The following IDO2 variants were observed in gnomAD, a reference collection of about 807,000 sequenced individuals.
The protein encoded by IDO2 is indoleamine 2,3-dioxygenase-like 1 protein.
IDO2 carries 46 observed loss-of-function variants against 45.1 expected under a neutral mutation model. That is an observed-to-expected ratio of 1.02 (90% CI 0.80 to 1.30). The LOEUF (loss-of-function observed/expected upper bound fraction) is 1.30. Ranked by LOEUF, IDO2 falls within the 50% of genes most tolerant of loss-of-function variation. The probability of loss-of-function intolerance (pLI) is 0.00; values close to 1 mark genes in which losing one functional copy is unlikely to be tolerated. For synonymous variants in IDO2, 218 were observed against 184.9 expected (o/e 1.18, Z -1.45); for missense variants, 544 against 491.8 (o/e 1.11, Z -1.00).
exon 4 of IDO2, chr8:39,979,112 C>G: frequency 6.2e-7 from 1 of 1,601,826 alleles, no homozygotes; most frequent in Non-Finnish European, 8.5e-7. Flanking sequence ...CCGGGAGCAG[C>G]GCCTGGCCCA....
At chr8:39,937,559 C>T (rs909360905) in intron 1 of IDO2, among the ~76,000 whole-genome samples, 1 of 149,516 alleles carries the variant, frequency 6.7e-6, no homozygotes, top group Non-Finnish European at 1.5e-5. Flanking sequence ...GTCACATTGT[C>T]TCTCAGGCTG....
intron 8 of IDO2, among the ~76,000 whole-genome samples, chr8:40,001,163 C>T (rs1802129429): frequency 6.6e-6 from 1 of 150,740 alleles, no homozygotes; most frequent in African/African-American, 2.4e-5. Context: ...AGTTAACAAT[C>T]TCTTCTTTCT....
intron 1 of IDO2, among the ~76,000 whole-genome samples, chr8:39,937,140 C>G (rs1807565067): frequency 6.6e-6 from 1 of 152,166 alleles, no homozygotes; most frequent in South Asian, 2.1e-4. Context: ...ATCAGAACAG[C>G]TTTTGAATTT....
In IDO2 at chr8:39,951,275, A is replaced by ATTTTT. The variant is rs71220803; in HGVS notation, c.99+2023_99+2027dup. ...AATGACTGCAACATCGGACCCCAAG[A>ATTTTT]TTTTTTTTTTTTTTTTCTGAGATAG... On this transcript the variant is annotated intron_variant, in intron 2 of 10. Transcript: ENST00000502986. Among the ~76,000 whole-genome samples the ATTTTT allele has an allele frequency of 7.4e-4, 101 of 136,016 alleles. 9 individuals carry two copies. The highest frequency in any genetic ancestry group is 1.9e-3 in the Admixed American group (25 of 13,274). The allele number at this position is 136,016 out of a possible 152,430, so 89.2% of individuals were successfully genotyped here.
intron 2 of IDO2, among the ~76,000 whole-genome samples, chr8:39,959,976 C>CTCAA (rs541658160): frequency 2.3e-4 from 35 of 152,032 alleles, no homozygotes; most frequent in South Asian, 1.7e-3. Context: ...GAAACTGTGT[C>CTCAA]TCAATCAATC....
chr8:40,007,893 C>T (rs1349402014), intron 9 of IDO2, among the ~76,000 whole-genome samples: 1 of 152,124 alleles, frequency 6.6e-6, no homozygotes, highest in Non-Finnish European at 1.5e-5. Context: ...CCCTTCAAAA[C>T]TCATTTAGGT....
intron 8 of IDO2, 52 bp from the exon 9 acceptor site, chr8:40,005,275 C>A: frequency 7.5e-7 from 1 of 1,329,316 alleles, no homozygotes; most frequent in Non-Finnish European, 1.1e-6. Flanking sequence ...GCACATGTAA[C>A]CAATTGCTTT....
At chr8:39,949,843 C>T (rs1807788048) in intron 2 of IDO2, among the ~76,000 whole-genome samples, 1 of 152,158 alleles carries the variant, frequency 6.6e-6, no homozygotes, top group Non-Finnish European at 1.5e-5. Flanking sequence ...TGGGTGCTTT[C>T]AGGGCTGGTA....
chr8:39,945,848 C>A (rs188315122), intron 1 of IDO2, among the ~76,000 whole-genome samples: 313 of 152,270 alleles, frequency 2.1e-3, no homozygotes, highest in Non-Finnish European at 3.6e-3. Context: ...CTAACTTAAT[C>A]GATTCCGTCT....
At chr8:40,014,064 G>C (rs4445211) in intron 10 of IDO2, among the ~76,000 whole-genome samples, 58,271 of 152,038 alleles carry the variant, frequency 0.38, 11,583 homozygotes, top group Admixed American at 0.52. Flanking sequence ...GCTGGAAACA[G>C]GTCTGGGATC....
chr8:39,945,227 A>G (rs1235882093), intron 1 of IDO2, among the ~76,000 whole-genome samples: 3 of 152,276 alleles, frequency 2.0e-5, no homozygotes, highest in African/African-American at 7.2e-5. Context: ...AGAATAAGAC[A>G]GAGATTTATG....
chr8:40,015,667 G>C, exon 11 of IDO2: 2 of 1,227,186 alleles, frequency 1.6e-6, no homozygotes. Context: ...GAGAATGAGG[G>C]TCAGGGTTCT....
At chr8:39,979,162 G>A in exon 4 of IDO2, 2 of 1,597,074 alleles carry the variant, frequency 1.3e-6, no homozygotes, top group East Asian at 2.3e-5. Flanking sequence ...ATGTCTGGCA[G>A]GAAGGAGAGG....
chr8:39,988,016 G>A, intron 7 of IDO2, 46 bp downstream of exon 7: 3 of 1,127,554 alleles, frequency 2.7e-6, no homozygotes, highest in Non-Finnish European at 3.9e-6. Context: ...ATGAGCTTGA[G>A]CTTTACTTCC....
intron 1 of IDO2, among the ~76,000 whole-genome samples, chr8:39,935,638 C>T (rs1370489822): frequency 2.0e-5 from 3 of 152,026 alleles, no homozygotes; most frequent in South Asian, 2.1e-4. Flanking sequence ...TTAGTAGAGA[C>T]GGGGTTTCAC....
rs1419371812 is a variant in IDO2 at position 39,949,272 on chromosome 8, T to C, written c.99+8T>C. ...CTTCTTCCAGATTCTCTGGTAAGGA[T>C]AGAGCCTTGGTAAGGATAGGTCAGA... is the stretch of plus-strand genomic sequence containing the variant. On this transcript the variant is annotated splice_region_variant and intron_variant, in intron 2 of 10. Coordinates refer to ENST00000502986, the Ensembl canonical transcript of IDO2. 3.8e-6 allele frequency: 6 copies of C among 1,575,900 alleles called. No individual in the cohort carries two copies. In the Admixed American group the frequency reaches 9.2e-5, roughly 24 times the overall value.
At chr8:39,957,135 C>T (rs2129593620) in intron 2 of IDO2, among the ~76,000 whole-genome samples, 1 of 149,850 alleles carries the variant, frequency 6.7e-6, no homozygotes, top group South Asian at 2.1e-4. Context: ...ATCCATTTGA[C>T]AATAAATGAA....
Position 39,986,671 on chromosome 8 carries a change from GAGATAGAT to G in IDO2, c.450-1160_450-1153del, listed in dbSNP as rs56228406. On this transcript the variant is annotated intron_variant, in intron 6 of 10. Transcript: ENST00000502986. ...AGATCCCATTCGATTGTACAGCATT[GAGATAGAT>G]AGATAGATAGATAGATAGATAGATA... Among the ~76,000 whole-genome samples, 1,230 of 143,654 alleles carry G rather than the reference GAGATAGAT, an allele frequency of 8.6e-3. 16 individuals are homozygous for G. The highest frequency in any genetic ancestry group is 0.026 in the African/African-American group (991 of 38,796). The allele number at this position is 143,654 out of a possible 152,430, so 94.2% of individuals were successfully genotyped here.
intron 8 of IDO2, among the ~76,000 whole-genome samples, chr8:39,997,545 G>A (rs1281792546): frequency 3.9e-5 from 6 of 152,010 alleles, no homozygotes; most frequent in South Asian, 2.1e-4. Flanking sequence ...GGTGGTGAGC[G>A]CCTGTGGTTC....
Sources: gnomAD v4.1 joint callset for allele counts (sites outside exome capture counted in the v4.1 genomes callset) on GRCh38, gnomAD v4.1.1 for gene constraint, MANE v1.5 for transcripts, NCBI Gene and HGNC (gene_info 2026-07-23, HGNC 2026-07-21) for gene names.